The following HECTD4 variants were observed in gnomAD, a reference collection of about 807,000 sequenced individuals.
HECTD4 encodes HECT domain E3 ubiquitin protein ligase 4.
HECTD4 carries 114 observed loss-of-function variants against 471.5 expected under a neutral mutation model. The observed-to-expected ratio is 0.24, with a 90% CI of 0.21 to 0.28. HECTD4 has a LOEUF of 0.28. Ranked by LOEUF, HECTD4 falls within the 10% of genes least tolerant of loss-of-function variation. The pLI is 1.00. For missense variants in HECTD4, 3,866 were observed against 5,651.5 expected, an observed-to-expected ratio of 0.68 and a Z score of 10.13; for synonymous variants, 2,012 against 2,256.0, an observed-to-expected ratio of 0.89 and a Z score of 3.07.
intron 44 of HECTD4, 168 bp from the exon 45 acceptor site, chr12:112,219,657 T>C (rs1268804411): frequency 2.0e-6 from 1 of 489,774 alleles, no homozygotes; most frequent in African/African-American, 2.0e-5. Flanking sequence ...TGGAGTGCAG[T>C]GGCGCGGTCC....
chr12:112,193,280 C>T lies in HECTD4; in HGVS notation c.8956-89G>A, dbSNP rs1407740531. On this transcript the variant is annotated intron_variant, in intron 57 of 75. Coordinates refer to ENST00000682272, the MANE Select transcript of HECTD4 (RefSeq NM_001388303.1). This position sits in a 1 kb window ranked among gnomAD's most constrained non-coding sequence, Gnocchi z 5.2. ...CATCTCACATGGCCCAGGAAATCAG[C>T]CAAACGACTAAATAGCCCTCTGGAA... 4 of 1,513,872 alleles carry T rather than the reference C, an allele frequency of 2.6e-6. No individual in the cohort carries two copies. Among genetic ancestry groups the T allele is most frequent in the Non-Finnish European group, 3.6e-6 (4 of 1,113,440 alleles). The allele number at this position is 1,513,872 out of a possible 1,614,324, so 93.8% of individuals were successfully genotyped here. A position where few individuals can be genotyped will look rare whatever the true frequency, so the allele number is the denominator to read the frequency against.
chr12:112,185,230 C>T lies in HECTD4; in HGVS notation c.9736G>A (p.Asp3246Asn). Reference protein sequence around the residue: ...CGGSGGAAAGDQGRFSTYFHA... With the variant: ...CGGSGGAAAGNQGRFSTYFHA... ...AAATACGTAGAGAACCTGCCCTGGT[C>T]ACCGGCCGCCGCCCCCCCGGAGCCC... Residue 3246 changes from aspartate to asparagine, a missense_variant, in exon 61 of 76, where the codon GAC becomes AAC. Asp to Asn is a conservative substitution (Grantham distance 23, BLOSUM62 1). Around this residue, in one of 16 missense-constraint regions of HECTD4, gnomAD observed 364 missense variants for 413.2 expected, o/e 0.88. Transcript: ENST00000682272. 1 of 1,550,762 alleles carries T rather than the reference C, an allele frequency of 6.4e-7. No individual in the cohort carries two copies. The highest frequency in any genetic ancestry group is 8.7e-7 in the Non-Finnish European group (1 of 1,146,804).
At chr12:112,240,454 CT>C (rs1007880733) in intron 32 of HECTD4, among the ~76,000 whole-genome samples, 295 of 142,282 alleles carry the variant, frequency 2.1e-3, no homozygotes, top group Non-Finnish European at 1.8e-3. Context: ...CTTTTCTTTT[CT>C]TTTTTTTTTT....
Position 112,235,040 on chromosome 12 carries a change from C to T in HECTD4, c.5915+37G>A. On this transcript the variant is annotated intron_variant, in intron 37 of 75. Transcript: ENST00000682272. This position sits in a 1 kb window ranked among gnomAD's most constrained non-coding sequence, Gnocchi z 5.0. ...CACAGTGCCTGTGACATGGGTGGTG[C>T]TTGAGGATGTGTAGCTATCACAATC... The T allele has an allele frequency of 6.5e-7, 1 of 1,537,430 alleles. No homozygotes were observed. The highest frequency in any genetic ancestry group is 8.8e-7 in the Non-Finnish European group (1 of 1,137,604).
chr12:112,339,349 T>C (rs868291798), intron 1 of HECTD4, among the ~76,000 whole-genome samples: 9 of 124,752 alleles, frequency 7.2e-5, no homozygotes, highest in Admixed American at 7.4e-5. Flanking sequence ...CATGACATAC[T>C]ACATTTATAT....
intron 1 of HECTD4, among the ~76,000 whole-genome samples, chr12:112,360,959 G>A (rs2036437327): frequency 6.6e-6 from 1 of 150,866 alleles, no homozygotes; most frequent in South Asian, 2.1e-4. Context: ...ACTCCAGCCT[G>A]GTGAACAAGA....
intron 1 of HECTD4, among the ~76,000 whole-genome samples, chr12:112,361,551 G>C (rs1353309679): frequency 6.6e-6 from 1 of 152,154 alleles, no homozygotes; most frequent in African/African-American, 2.4e-5. Context: ...AAGATTACAG[G>C]TGTGAGTCAA....
At chr12:112,233,807 T>C (rs1165700438) in intron 37 of HECTD4, among the ~76,000 whole-genome samples, 1 of 151,836 alleles carries the variant, frequency 6.6e-6, no homozygotes, top group Non-Finnish European at 1.5e-5. Flanking sequence ...GAAAGGAAGA[T>C]TACAGGCGTG....
chr12:112,162,302 C>A lies in HECTD4; in HGVS notation c.*85G>T. 1 of 1,551,322 alleles carries A rather than the reference C, an allele frequency of 6.4e-7. No individual in the cohort carries two copies. Among genetic ancestry groups the A allele is most frequent in the South Asian group, 1.1e-5 (1 of 88,398 alleles). ...ATGTTGCCAACTCCTCACGCAGGGCCCTGGAGGGACGGGCCGCAGTGGTGG... is the reference window on the plus strand; with the variant it reads ...ATGTTGCCAACTCCTCACGCAGGGCACTGGAGGGACGGGCCGCAGTGGTGG... On this transcript the variant is annotated 3_prime_UTR_variant, in exon 76 of 76. Transcript: ENST00000682272. The surrounding 1 kb of genome is among the most constrained non-coding windows in gnomAD (Gnocchi z 5.2).
In HECTD4 at chr12:112,162,320, A is replaced by T; in HGVS notation, c.*67T>A. On this transcript the variant is annotated 3_prime_UTR_variant, in exon 76 of 76. Transcript: ENST00000682272. The surrounding 1 kb of genome is among the most constrained non-coding windows in gnomAD (Gnocchi z 5.2). ...GCAGGGCCCTGGAGGGACGGGCCGC[A>T]GTGGTGGCTTCCCAAGCCAGCAGAG... 6.3e-7 allele frequency: 1 copy of T among 1,599,976 alleles called. No homozygotes were observed. Among genetic ancestry groups the T allele is most frequent in the Non-Finnish European group, 8.6e-7 (1 of 1,168,964 alleles).
At chr12:112,306,955 G>A (rs1566106390) in intron 6 of HECTD4, among the ~76,000 whole-genome samples, 1 of 152,076 alleles carries the variant, frequency 6.6e-6, no homozygotes, top group Non-Finnish European at 1.5e-5. Flanking sequence ...TAATGAATAA[G>A]CTTTGCATCA....
intron 67 of HECTD4, among the ~76,000 whole-genome samples, chr12:112,172,258 C>A (rs187735637): frequency 4.6e-5 from 7 of 152,340 alleles, no homozygotes; most frequent in Admixed American, 3.3e-4. Flanking sequence ...GGCCTTCCTG[C>A]AATCCTAGCT....
Position 112,163,758 on chromosome 12 carries a change from G to A in HECTD4, c.12702-21C>T. On this transcript the variant is annotated intron_variant, in intron 73 of 75. Coordinates refer to ENST00000682272, the MANE Select transcript of HECTD4 (RefSeq NM_001388303.1). This position sits in a 1 kb window ranked among gnomAD's most constrained non-coding sequence, Gnocchi z 8.2. ...CCCACCTGCCCGGGTGAGGAGCACA[G>A]GTGAGGGAGAACACCGCCGAAGAGG... 4 of 1,437,218 alleles carry A rather than the reference G, an allele frequency of 2.8e-6. No homozygotes were observed. The Middle Eastern group carries it at 7.7e-4, about 278-fold the overall frequency. The allele number at this position is 1,437,218 out of a possible 1,614,324, so 89.0% of individuals were successfully genotyped here.
At position 112,192,583 on chromosome 12, in the gene HECTD4, G is replaced by T; in HGVS notation, c.9269C>A (p.Thr3090Lys). 6.3e-7 allele frequency: 1 copy of T among 1,594,564 alleles called. No homozygotes were observed. The highest frequency in any genetic ancestry group is 8.6e-7 in the Non-Finnish European group (1 of 1,168,952). ...ACCCAGTTTGATGTGGACCCTGTCT[G>T]TGGAGAGGACCACAGAGGGGTACTG... ...ADQYPSVVLS[T>K]DRVHIKLGVS... Residue 3090 changes from threonine to lysine, a missense_variant, in exon 59 of 76, where the codon ACA (threonine) becomes AAA (lysine). By Grantham distance (78) the Thr-to-Lys change is moderately conservative (BLOSUM62 -1). Around this residue, in one of 16 missense-constraint regions of HECTD4, gnomAD observed 364 missense variants for 413.2 expected, o/e 0.88. Transcript: ENST00000682272.
At chr12:112,232,103 CCT>C (rs1337538117) in intron 38 of HECTD4, among the ~76,000 whole-genome samples, 1 of 151,990 alleles carries the variant, frequency 6.6e-6, no homozygotes, top group Non-Finnish European at 1.5e-5. Context: ...TAACCAATCC[CCT>C]CTTTATGAGT....
Position 112,317,940 on chromosome 12 carries a change from G to C in HECTD4, c.695+1285C>G, listed in dbSNP as rs116954533. 7.5e-4 allele frequency among the ~76,000 whole-genome samples: 83 copies of C among 111,268 alleles called. No homozygotes were observed. The East Asian group carries it at 0.024, about 32-fold the overall frequency. 73.0% of individuals were successfully genotyped at this position (111,268 alleles called of 152,430 possible). ...CACTGCACTTCAGCCTGGTCTTTGAGAGCAAGACCCCATCTCAAAAAAAAA... is the reference window on the plus strand; with the variant it reads ...CACTGCACTTCAGCCTGGTCTTTGACAGCAAGACCCCATCTCAAAAAAAAA... On this transcript the variant is annotated intron_variant, in intron 2 of 75. Transcript: ENST00000682272.
chr12:112,306,522 C>T (rs1303612878), intron 6 of HECTD4, among the ~76,000 whole-genome samples: 1 of 152,180 alleles, frequency 6.6e-6, no homozygotes. Flanking sequence ...TTACTAAACA[C>T]TTTGAATCTG....
chr12:112,219,876 A>G (rs1276442425), intron 44 of HECTD4, among the ~76,000 whole-genome samples: 1 of 152,224 alleles, frequency 6.6e-6, no homozygotes, highest in East Asian at 1.9e-4. Flanking sequence ...CTGGGATTAC[A>G]GGCTTGAGCC....
intron 44 of HECTD4, among the ~76,000 whole-genome samples, chr12:112,221,927 C>CCT (rs1555251559): frequency 7.4e-6 from 1 of 134,522 alleles, no homozygotes; most frequent in African/African-American, 2.8e-5. Context: ...GCTGATTTTT[C>CCT]TTTTTTTTTT....
Sources: gnomAD v4.1 joint callset for allele counts (sites outside exome capture counted in the v4.1 genomes callset) on GRCh38, gnomAD v4.1.1 for gene constraint, gnomAD v4.1.1 regional missense constraint, Gnocchi (gnomAD v3.1) non-coding constraint, MANE v1.5 for transcripts, NCBI Gene and HGNC (gene_info 2026-07-23, HGNC 2026-07-21) for gene names.